Variants in BICDL1 observed in about 807,000 individuals in gnomAD.
BICDL1 encodes the protein BICD family like cargo adaptor 1, also known as BICD family-like cargo adapter 1.
Under a neutral mutation model 76.8 loss-of-function variants are expected in BICDL1, and 20 were observed. The observed-to-expected ratio is 0.26, with a 90% CI of 0.18 to 0.38. BICDL1 has a LOEUF of 0.38. Among genes scored for constraint, BICDL1 ranks in the 10% least tolerant of loss-of-function variants. BICDL1 has a pLI of 1.00. For synonymous variants in BICDL1, 383 were observed against 337.1 expected (o/e 1.14, Z -1.49); for missense variants, 700 against 798.6 (o/e 0.88, Z 1.49).
At chr12:120,029,483 T>G (rs1011444959) in intron 2 of BICDL1, among the ~76,000 whole-genome samples, 1 of 152,190 alleles carries the variant, frequency 6.6e-6, no homozygotes, top group East Asian at 1.9e-4. Flanking sequence ...ACAGCAGCTT[T>G]CTTTAATAGC....
chr12:120,071,637 C>A lies in BICDL1; in HGVS notation c.925C>A (p.Leu309Met). Residue 309 changes from leucine to methionine, a missense_variant, in exon 5 of 10, where the codon CTG becomes ATG. By Grantham distance (15) the Leu-to-Met change is conservative (BLOSUM62 2). Coordinates refer to ENST00000548673, the MANE Select transcript of BICDL1 (RefSeq NM_001367886.1). The surrounding 1 kb of genome is among the most constrained non-coding windows in gnomAD (Gnocchi z 4.8). Reference protein sequence around the residue: ...DKDLQLHQSQLELQEVRLSCR... With the variant: ...DKDLQLHQSQMELQEVRLSCR... ...TCTTTGAAAGCTGCACCAAAGCCAG[C>A]TGGAGCTTCAGGAGGTGCGTCTCTC... is the stretch of plus-strand genomic sequence containing the variant. 3 of 1,607,172 alleles carry A rather than the reference C, an allele frequency of 1.9e-6. No individual in the cohort carries two copies. The highest frequency in any genetic ancestry group is 2.5e-6 in the Non-Finnish European group (3 of 1,177,582).
rs112713807 is a variant in BICDL1, at chr12:119,990,623, G to A, written c.429+326G>A. Among the ~76,000 whole-genome samples, 730 of 152,336 alleles carry A rather than the reference G, an allele frequency of 4.8e-3. 3 individuals are homozygous for A. Among genetic ancestry groups the A allele is most frequent in the Non-Finnish European group, 5.7e-3 (387 of 68,036 alleles). ...TGATGTCTGCATACAGAGAAATGAG[G>A]AAGTCGGGAAGCATTTAAAATATGT... On this transcript the variant is annotated intron_variant, in intron 1 of 9. Transcript: ENST00000548673.
intron 4 of BICDL1, among the ~76,000 whole-genome samples, chr12:120,070,436 C>T (rs1265033446): frequency 5.9e-5 from 9 of 152,126 alleles, no homozygotes; most frequent in Admixed American, 5.9e-4. Flanking sequence ...CCCAGTGCTG[C>T]CCCATCTTCA....
chr12:120,082,386 G>A (rs982098350), intron 8 of BICDL1, among the ~76,000 whole-genome samples: 26 of 151,736 alleles, frequency 1.7e-4, no homozygotes, highest in Non-Finnish European at 5.9e-5. Flanking sequence ...CCGAGTAGCT[G>A]GGACCTCAGG....
rs1212268930 is a variant in BICDL1 at position 119,989,521 on chromosome 12, C to G, written c.-348C>G. ...CGGCTGAGAACCCGGCGGCGGCGTT[C>G]CTCCTCGCTTCCTCCCCTCCCGCTT... On this transcript the variant is annotated 5_prime_UTR_variant, in exon 1 of 10. Transcript: ENST00000548673. Among the ~76,000 whole-genome samples the G allele has an allele frequency of 5.3e-5, 8 of 150,552 alleles. No individual in the cohort carries two copies. The East Asian group carries it at 1.6e-3, about 30-fold the overall frequency.
chr12:120,014,687 C>G (rs1952024739), intron 2 of BICDL1, among the ~76,000 whole-genome samples: 1 of 149,116 alleles, frequency 6.7e-6, no homozygotes, highest in African/African-American at 2.5e-5. Flanking sequence ...GAGACTCCAT[C>G]TCAAAAAAAA....
intron 2 of BICDL1, among the ~76,000 whole-genome samples, chr12:120,001,341 G>T (rs1951755012): frequency 6.6e-6 from 1 of 152,072 alleles, no homozygotes. Context: ...CCGCCTCCCG[G>T]GTTCATGACA....
chr12:120,007,028 G>A (rs1350616842), intron 2 of BICDL1, among the ~76,000 whole-genome samples: 1 of 152,172 alleles, frequency 6.6e-6, no homozygotes, highest in East Asian at 1.9e-4. Flanking sequence ...TGTTTTGAAG[G>A]TAGAACTGAC....
intron 2 of BICDL1, among the ~76,000 whole-genome samples, chr12:120,043,551 C>T (rs1377808477): frequency 2.6e-5 from 4 of 152,238 alleles, no homozygotes; most frequent in African/African-American, 9.6e-5. Context: ...ATCAGTCATG[C>T]GTAATTTACA....
Position 119,998,507 on chromosome 12 carries a change from C to T in BICDL1, c.430-14C>T. 1 of 1,580,950 alleles carries T rather than the reference C, an allele frequency of 6.3e-7. No individual in the cohort carries two copies. Among genetic ancestry groups the T allele is most frequent in the South Asian group, 1.2e-5 (1 of 86,426 alleles). On this transcript the variant is annotated splice_polypyrimidine_tract_variant and intron_variant, in intron 1 of 9. Transcript: ENST00000548673. ...ATTTTTATCAGTGTTTAAATCCCTT[C>T]ACTTTTCACCCAGCACTTAGAGCAA...
At position 119,989,690 on chromosome 12, in the gene BICDL1, C is replaced by G. The variant is rs1035382154; in HGVS notation, c.-179C>G. ...GGGCGGGGGAGGGGGCGCGTGCCGC[C>G]GGCGCGGGGGAGGGGCGGGCCGGCG... On this transcript the variant is annotated 5_prime_UTR_variant, in exon 1 of 10. Transcript: ENST00000548673. Among the ~76,000 whole-genome samples, 3 of 145,754 alleles carry G rather than the reference C, an allele frequency of 2.1e-5. No individual in the cohort carries two copies. Among genetic ancestry groups the G allele is most frequent in the African/African-American group, 7.4e-5 (3 of 40,544 alleles).
At chr12:120,075,707 G>T (rs1314688202) in intron 7 of BICDL1, among the ~76,000 whole-genome samples, 4 of 152,146 alleles carry the variant, frequency 2.6e-5, no homozygotes, top group African/African-American at 9.7e-5. Context: ...TCCTACATTT[G>T]AAATATCTTT....
At chr12:119,994,832 G>A (rs940621502) in intron 1 of BICDL1, among the ~76,000 whole-genome samples, 1 of 152,100 alleles carries the variant, frequency 6.6e-6, no homozygotes, top group Non-Finnish European at 1.5e-5. Flanking sequence ...CAAAAGAGCT[G>A]GAAAGATAGT....
At chr12:120,077,596 C>T (rs1282506444) in intron 7 of BICDL1, among the ~76,000 whole-genome samples, 1 of 152,230 alleles carries the variant, frequency 6.6e-6, no homozygotes, top group East Asian at 1.9e-4. Flanking sequence ...ACACTTGTTA[C>T]TCCAGAAGGG....
chr12:120,002,437 G>A (rs1449713106), intron 2 of BICDL1, among the ~76,000 whole-genome samples: 1 of 152,070 alleles, frequency 6.6e-6, no homozygotes, highest in Non-Finnish European at 1.5e-5. Flanking sequence ...CACTTTTCTG[G>A]GGGGTTGCAT....
intron 1 of BICDL1, among the ~76,000 whole-genome samples, chr12:119,996,681 TACACACACAC>T (rs10545057): frequency 6.7e-6 from 1 of 150,022 alleles, no homozygotes; most frequent in African/African-American, 2.4e-5. Context: ...CATATACAGA[TACACACACAC>T]ACACACACAC....
chr12:120,075,139 C>G (rs940961981), intron 7 of BICDL1, among the ~76,000 whole-genome samples: 9 of 152,018 alleles, frequency 5.9e-5, no homozygotes, highest in African/African-American at 2.2e-4. Flanking sequence ...ATAGGCAGCC[C>G]CACCCAAAAA....
intron 2 of BICDL1, among the ~76,000 whole-genome samples, 162 bp downstream of exon 2, chr12:119,998,898 T>C (rs548526347): frequency 6.6e-6 from 1 of 151,780 alleles, no homozygotes; most frequent in African/African-American, 2.4e-5. Context: ...CTACAAAAGT[T>C]TTTTAAAAAT....
intron 9 of BICDL1, chr12:120,092,080 A>C: frequency 1.0e-6 from 1 of 985,454 alleles, no homozygotes; most frequent in South Asian, 4.7e-5. Flanking sequence ...GATGATGCTA[A>C]TTACACAGGC....
Sources: gnomAD v4.1 joint callset for allele counts (sites outside exome capture counted in the v4.1 genomes callset) on GRCh38, gnomAD v4.1.1 for gene constraint, Gnocchi (gnomAD v3.1) non-coding constraint, MANE v1.5 for transcripts, NCBI Gene and HGNC (gene_info 2026-07-23, HGNC 2026-07-21) for gene names.